NCKAP1L: variants seen among roughly 807,000 people sequenced by gnomAD.
NCKAP1L encodes nck-associated protein 1-like.
Under a neutral mutation model 139.2 loss-of-function variants are expected in NCKAP1L, and 53 were observed. The ratio of observed to expected loss-of-function variants is 0.38; its 90% confidence interval spans 0.31 to 0.48. NCKAP1L has a LOEUF of 0.48. Among genes scored for constraint, NCKAP1L ranks in the 20% least tolerant of loss-of-function variants. The pLI, the probability that NCKAP1L is intolerant of heterozygous loss-of-function variation, is 0.98. For synonymous variants in NCKAP1L, 468 were observed against 499.7 expected, an observed-to-expected ratio of 0.94 and a Z score of 0.85; for missense variants, 1,151 against 1,381.9, an observed-to-expected ratio of 0.83 and a Z score of 2.65.
intron 28 of NCKAP1L, among the ~76,000 whole-genome samples, 158 bp from the exon 29 acceptor site, chr12:54,536,786 A>G (rs532945753): frequency 6.6e-6 from 1 of 152,100 alleles, no homozygotes; most frequent in South Asian, 2.1e-4. Flanking sequence ...TCATAGGAAT[A>G]TCCTGCCTCT....
At position 54,508,414 on chromosome 12, in the gene NCKAP1L, G is replaced by A. The variant is rs1260422725; in HGVS notation, c.389G>A (p.Ser130Asn). 9 of 1,613,998 alleles carry A rather than the reference G, an allele frequency of 5.6e-6. No homozygotes were observed. The highest frequency in any genetic ancestry group is 2.2e-5 in the East Asian group (1 of 44,892). The change falls in exon 5 of 31, where the codon AGT becomes AAT. Residue 130 changes from serine (S) to asparagine (N), a missense_variant. Transcript: ENST00000293373. ...AATCTCAACTTTGATTTCACTCGGA[G>A]TTACCTGGACTTGATTGTAACTTAC... is the stretch of plus-strand genomic sequence containing the variant. The part of the protein sequence containing the change: ...DINLNFDFTR[S>N]YLDLIVTYTS...
At chr12:54,505,116 GTTTC>G (rs1233566270) in intron 3 of NCKAP1L, among the ~76,000 whole-genome samples, 4 of 152,314 alleles carry the variant, frequency 2.6e-5, no homozygotes, top group East Asian at 1.9e-4. Flanking sequence ...TCTTAGGCCA[GTTTC>G]TTTATTTTTC....
At position 54,526,731 on chromosome 12, in the gene NCKAP1L, C is replaced by T; in HGVS notation, c.2360C>T (p.Thr787Ile). Reference protein sequence around the residue: ...LDSCGEQTITTLYTNWYLESL... With the variant: ...LDSCGEQTITILYTNWYLESL... ...TCCTGTGGGGAACAGACAATCACCA[C>T]ACTCTACACAAACTGGTCAGTGTTG... Residue 787 changes from threonine to isoleucine, a missense_variant, in exon 21 of 31, where the codon ACA (threonine) becomes ATA (isoleucine). Physicochemically the swap from Thr to Ile is moderately conservative, Grantham distance 89 (BLOSUM62 -1). Transcript: ENST00000293373. 6.2e-7 allele frequency: 1 copy of T among 1,613,810 alleles called. No homozygotes were observed. The highest frequency in any genetic ancestry group is 8.5e-7 in the Non-Finnish European group (1 of 1,179,816).
intron 27 of NCKAP1L, 105 bp from the exon 28 acceptor site, chr12:54,536,024 C>T (rs1447786203): frequency 2.5e-6 from 2 of 795,064 alleles, no homozygotes; most frequent in Middle Eastern, 3.5e-4. Flanking sequence ...GATATTTTCT[C>T]CTGCGATCCT....
intron 1 of NCKAP1L, chr12:54,498,723 G>A (rs1592333896): frequency 1.1e-6 from 1 of 903,602 alleles, no homozygotes; most frequent in Non-Finnish European, 1.3e-6. Context: ...TAACTCCTGA[G>A]CAGCTGCTTT....
intron 22 of NCKAP1L, 116 bp downstream of exon 22, chr12:54,528,493 T>C: frequency 7.7e-7 from 1 of 1,301,442 alleles, no homozygotes; most frequent in Non-Finnish European, 1.0e-6. Flanking sequence ...TGCAATTACT[T>C]TTCATTGCAA....
chr12:54,532,142 G>A, intron 25 of NCKAP1L, 28 bp from the exon 26 acceptor site: 1 of 1,543,580 alleles, frequency 6.5e-7, no homozygotes. Flanking sequence ...ATGGTCTTGT[G>A]GACTCATTTA....
rs1168258987 is a variant in NCKAP1L, at chr12:54,538,981, C to A, written c.3273+8C>A. 2 of 1,612,674 alleles carry A rather than the reference C, an allele frequency of 1.2e-6. No individual in the cohort carries two copies. Among genetic ancestry groups the A allele is most frequent in the Non-Finnish European group, 8.5e-7 (1 of 1,178,870 alleles). On this transcript the variant is annotated splice_region_variant and intron_variant, in intron 30 of 30. Coordinates refer to ENST00000293373, the MANE Select transcript of NCKAP1L (RefSeq NM_005337.5). ...TCTCTGCTCATGCGCTTGGTAAGTA[C>A]CTTATTTAAATTGGTGTGAGAATAG...
intron 6 of NCKAP1L, 28 bp downstream of exon 6, chr12:54,509,787 T>A: frequency 6.2e-7 from 1 of 1,614,192 alleles, no homozygotes; most frequent in African/African-American, 1.3e-5. Context: ...GGAGAATTCC[T>A]CAGGCAAAAG....
Position 54,523,464 on chromosome 12 carries a change from C to G in NCKAP1L, c.1949C>G (p.Thr650Ser), listed in dbSNP as rs768891866. Residue 650 changes from threonine (T) to serine (S), a missense_variant, in exon 19 of 31, where the codon ACT becomes AGT. Transcript: ENST00000293373. ...KNKKTRKQRQTPRKGEPERDK... is the reference protein window; with the variant it reads ...KNKKTRKQRQSPRKGEPERDK... ...AAGAAAACCAGGAAGCAGAGGCAGA[C>G]TCCCAGAAAAGGAGAGCCCGAGAGG... 8 of 1,614,062 alleles carry G rather than the reference C, an allele frequency of 5.0e-6. No homozygotes were observed. The highest frequency in any genetic ancestry group is 6.8e-6 in the Non-Finnish European group (8 of 1,180,044).
Position 54,517,053 on chromosome 12 carries a change from G to A in NCKAP1L, c.1095+61G>A, listed in dbSNP as rs1691630. On this transcript the variant is annotated intron_variant, in intron 11 of 30. Coordinates refer to ENST00000293373, the MANE Select transcript of NCKAP1L (RefSeq NM_005337.5). ...CAGTGATAAGAGACTGTGTAGCTACGTGGCACTCACGAGATTTTGCCTTTC... is the reference window on the plus strand; with the variant it reads ...CAGTGATAAGAGACTGTGTAGCTACATGGCACTCACGAGATTTTGCCTTTC... 0.86 allele frequency: 1,230,597 copies of A among 1,435,988 alleles called. 528,810 individuals carry two copies. Among genetic ancestry groups the A allele is most frequent in the East Asian group, 1 (42,938 of 42,960 alleles). The allele number at this position is 1,435,988 out of a possible 1,614,324, so 89.0% of individuals were successfully genotyped here.
At position 54,546,541 on chromosome 12, in the gene NCKAP1L, A is replaced by G. The variant is rs1214765975; in HGVS notation, c.*3856A>G. 4 of 152,140 alleles carry G rather than the reference A, an allele frequency of 2.6e-5. No homozygotes were observed. The highest frequency in any genetic ancestry group is 5.9e-5 in the Non-Finnish European group (4 of 68,038). 9.4% of individuals were successfully genotyped at this position (152,140 alleles called of 1,614,324 possible). On this transcript the variant is annotated 3_prime_UTR_variant, in exon 31 of 31. Transcript: ENST00000293373. ...AAGGCTTCCTTAACCTTAGGTCCTCATGCTTATATTAGTTCTTCTCCAACA... is the reference window on the plus strand; with the variant it reads ...AAGGCTTCCTTAACCTTAGGTCCTCGTGCTTATATTAGTTCTTCTCCAACA...
rs188548767 is a variant in NCKAP1L, at chr12:54,508,391, T to C, written c.366T>C (p.Asn122=). The part of the protein sequence containing the change: ...IDACQCHFDI[N]LNFDFTRSYL... ...GTTCCTATGTATTTTCCTTGTAGAATCTCAACTTTGATTTCACTCGGAGTT... is the reference window on the plus strand; with the variant it reads ...GTTCCTATGTATTTTCCTTGTAGAACCTCAACTTTGATTTCACTCGGAGTT... Residue 122 remains asparagine, a splice_region_variant and synonymous_variant, in exon 5 of 31, where the codon AAT becomes AAC. Coordinates refer to ENST00000293373, the MANE Select transcript of NCKAP1L (RefSeq NM_005337.5). 9.3e-6 allele frequency: 15 copies of C among 1,614,114 alleles called. No individual in the cohort carries two copies. The East Asian group carries it at 3.1e-4, about 34-fold the overall frequency.
At position 54,510,022 on chromosome 12, in the gene NCKAP1L, T is replaced by A. The variant is rs1271944676; in HGVS notation, c.735+37T>A. 3.1e-6 allele frequency: 5 copies of A among 1,611,464 alleles called. No homozygotes were observed. In the South Asian group the frequency reaches 5.5e-5, roughly 18 times the overall value. ...TTTCCTTTTGTTAGTGGAAGCATTC[T>A]CTTTGCCAAGGCCATCATCTCTGTA... On this transcript the variant is annotated intron_variant, in intron 7 of 30. Coordinates refer to ENST00000293373, the MANE Select transcript of NCKAP1L (RefSeq NM_005337.5).
chr12:54,541,948 C>A (rs903266641), intron 30 of NCKAP1L, among the ~76,000 whole-genome samples: 1 of 152,070 alleles, frequency 6.6e-6, no homozygotes, highest in Non-Finnish European at 1.5e-5. Context: ...CCCTCTTCAC[C>A]CTCACCCCCA....
chr12:54,526,523 C>T lies in NCKAP1L; in HGVS notation c.2157-5C>T. On this transcript the variant is annotated splice_polypyrimidine_tract_variant and splice_region_variant and intron_variant, in intron 20 of 30. Coordinates refer to ENST00000293373, the MANE Select transcript of NCKAP1L (RefSeq NM_005337.5). ...ATTCTAATTTTTTTTTTTTAAATCACCTAGAGCCATTGTGTGGCTGGCTGG... is the reference window on the plus strand; with the variant it reads ...ATTCTAATTTTTTTTTTTTAAATCATCTAGAGCCATTGTGTGGCTGGCTGG... The T allele has an allele frequency of 4.3e-6, 7 of 1,610,948 alleles. No individual in the cohort carries two copies. The highest frequency in any genetic ancestry group is 5.9e-6 in the Non-Finnish European group (7 of 1,177,448).
rs578126815 is a variant in NCKAP1L at position 54,524,082 on chromosome 12, G to C, written c.2156+126G>C. ...ATTCATCCTGGTGGTCATGCCACAC[G>C]GTGGAGATTCTGTTGCAGTCAGTCT... On this transcript the variant is annotated intron_variant, in intron 20 of 30. Transcript: ENST00000293373. 9.0e-6 allele frequency: 9 copies of C among 995,218 alleles called. No homozygotes were observed. In the African/African-American group the frequency reaches 1.5e-4, roughly 16 times the overall value. The allele number at this position is 995,218 out of a possible 1,614,324, so 61.6% of individuals were successfully genotyped here.
At chr12:54,533,927 T>C (rs1290529137) in intron 26 of NCKAP1L, among the ~76,000 whole-genome samples, 2 of 152,214 alleles carry the variant, frequency 1.3e-5, no homozygotes, top group Non-Finnish European at 2.9e-5. Context: ...CAATTATCCT[T>C]GTTCTTTCAA....
chr12:54,510,505 T>A (rs957215882), intron 7 of NCKAP1L: 2 of 192,362 alleles, frequency 1.0e-5, no homozygotes, highest in Non-Finnish European at 2.2e-5. Context: ...TTGTTTATTT[T>A]ATTTAATTTT....
Sources: gnomAD v4.1 joint callset for allele counts (sites outside exome capture counted in the v4.1 genomes callset) on GRCh38, gnomAD v4.1.1 for gene constraint, MANE v1.5 for transcripts, NCBI Gene and HGNC (gene_info 2026-07-23, HGNC 2026-07-21) for gene names.